Variants in ADAMTSL3 observed in about 807,000 individuals in gnomAD.
ADAMTSL3 encodes the protein ADAMTS-like protein 3.
Under a neutral mutation model 201.7 loss-of-function variants are expected in ADAMTSL3, and 128 were observed. That is an observed-to-expected ratio of 0.63 (90% CI 0.55 to 0.73). The LOEUF (loss-of-function observed/expected upper bound fraction) is 0.73. ADAMTSL3 is among the 30% of genes least tolerant of loss of function. ADAMTSL3 has a pLI of 0.00. For synonymous variants in ADAMTSL3, 738 were observed against 748.4 expected (o/e 0.99, Z 0.23); for missense variants, 1,990 against 2,119.6 (o/e 0.94, Z 1.20).
chr15:83,654,753 A>G lies in ADAMTSL3; in HGVS notation c.-34+477A>G, dbSNP rs1482000291. On this transcript the variant is annotated intron_variant, in intron 1 of 29. Coordinates refer to ENST00000286744, the MANE Select transcript of ADAMTSL3 (RefSeq NM_207517.3). This position sits in a 1 kb window ranked among gnomAD's most constrained non-coding sequence, Gnocchi z 5.3. ...GAGGAGCGACTTCGAGGCAGCGGGT[A>G]GTCGGAGGAGTGTGCACTCGGAAGG... is the stretch of plus-strand genomic sequence containing the variant. 1.1e-4 allele frequency among the ~76,000 whole-genome samples: 17 copies of G among 152,124 alleles called. No homozygotes were observed. Among genetic ancestry groups the G allele is most frequent in the Non-Finnish European group, 1.0e-4 (7 of 68,018 alleles).
At chr15:83,914,899 A>T (rs1044686705) in intron 16 of ADAMTSL3, among the ~76,000 whole-genome samples, 3 of 150,940 alleles carry the variant, frequency 2.0e-5, no homozygotes, top group African/African-American at 7.3e-5. Context: ...GGGTTTTTTT[A>T]TGTCTTGGAA....
chr15:83,955,360 T>C (rs2066839706), intron 19 of ADAMTSL3, among the ~76,000 whole-genome samples: 1 of 152,140 alleles, frequency 6.6e-6, no homozygotes, highest in South Asian at 2.1e-4. Context: ...GCCTAGGGGC[T>C]CTTCAGCCAG....
At chr15:83,900,201 C>G (rs1333468981) in intron 15 of ADAMTSL3, among the ~76,000 whole-genome samples, 1 of 152,194 alleles carries the variant, frequency 6.6e-6, no homozygotes, top group Non-Finnish European at 1.5e-5. Flanking sequence ...CCCCTGCTAA[C>G]TACATGACCT....
chr15:84,035,481 G>T (rs910668934), intron 28 of ADAMTSL3, among the ~76,000 whole-genome samples: 5 of 152,086 alleles, frequency 3.3e-5, no homozygotes, highest in Non-Finnish European at 7.4e-5. Context: ...CATACCTACT[G>T]GGGAAAACAA....
chr15:83,655,932 C>T (rs1226140692), intron 2 of ADAMTSL3, 102 bp downstream of exon 2: 5 of 1,213,890 alleles, frequency 4.1e-6, no homozygotes, highest in Non-Finnish European at 5.9e-6. Context: ...TAGTGTTAAT[C>T]CTACACCAGA....
At chr15:83,785,192 G>C (rs2063241924) in intron 4 of ADAMTSL3, among the ~76,000 whole-genome samples, 1 of 152,158 alleles carries the variant, frequency 6.6e-6, no homozygotes. Flanking sequence ...TGAGGCCCAA[G>C]AGCTTTCATT....
rs1168502648 is a variant in ADAMTSL3, at chr15:83,903,917, CAAAAAAAAAAAAAAA to C, written c.1700+4199_1700+4213del. Among the ~76,000 whole-genome samples the C allele has an allele frequency of 1.3e-3, 26 of 19,270 alleles. 1 individual carries two copies. Among genetic ancestry groups the C allele is most frequent in the Non-Finnish European group, 1.6e-3 (22 of 13,780 alleles). 12.6% of individuals were successfully genotyped at this position (19,270 alleles called of 152,430 possible). A position where few individuals can be genotyped will look rare whatever the true frequency, so the allele number is the denominator to read the frequency against. On this transcript the variant is annotated intron_variant, in intron 15 of 29. Coordinates refer to ENST00000286744, the MANE Select transcript of ADAMTSL3 (RefSeq NM_207517.3). ...TGGGTGACAGTGCCAGACTCCACAT[CAAAAAAAAAAAAAAA>C]AAAAAAAAAAAAGAAAAAAGAAAGA...
At chr15:83,931,146 T>C (rs1480822) in intron 17 of ADAMTSL3, among the ~76,000 whole-genome samples, 117,683 of 152,142 alleles carry the variant, frequency 0.77, 45,711 homozygotes, top group African/African-American at 0.82. Flanking sequence ...AGAAGCATGC[T>C]GGGTTACATA....
chr15:83,926,635 C>T (rs536489290), intron 17 of ADAMTSL3, among the ~76,000 whole-genome samples: 6 of 140,938 alleles, frequency 4.3e-5, no homozygotes, highest in Middle Eastern at 3.9e-3. Flanking sequence ...TTTTTTGAGA[C>T]GGAGTTTCGC....
intron 3 of ADAMTSL3, chr15:83,740,161 C>T: frequency 3.8e-6 from 1 of 266,546 alleles, no homozygotes; most frequent in South Asian, 5.9e-5. Flanking sequence ...TGCAAGCTGG[C>T]TGACCAGTGC....
At chr15:83,693,220 GT>G (rs1396058414) in intron 2 of ADAMTSL3, among the ~76,000 whole-genome samples, 2 of 152,216 alleles carry the variant, frequency 1.3e-5, no homozygotes, top group Non-Finnish European at 2.9e-5. Flanking sequence ...TGACATGGAT[GT>G]TTTCTGCATA....
At chr15:83,823,960 T>TC (rs2063952158) in intron 6 of ADAMTSL3, among the ~76,000 whole-genome samples, 2 of 64,348 alleles carry the variant, frequency 3.1e-5, no homozygotes, top group Admixed American at 4.2e-4. Context: ...TTCTTCTTCT[T>TC]CTTCTTCTTC....
Position 83,982,579 on chromosome 15 carries a change from CA to C in ADAMTSL3, c.2952del (p.Gly985AlafsTer28). On this transcript the variant is annotated frameshift_variant, in exon 21 of 30. Transcript: ENST00000286744. LOFTEE classifies it high-confidence loss of function. Reference protein sequence around the residue: ...APDIGVYRCIAGSAQETVVLK... With the variant: ...APDIGVYRCIXGSAQETVVLK... ...GACATCGGCGTGTACCGGTGCATTGCAGGCTCTGCACAGGAAACAGTTGTGC... is the reference window on the plus strand; with the variant it reads ...GACATCGGCGTGTACCGGTGCATTGCGGCTCTGCACAGGAAACAGTTGTGC... 6.2e-7 allele frequency: 1 copy of C among 1,614,210 alleles called. No homozygotes were observed. Among genetic ancestry groups the C allele is most frequent in the Non-Finnish European group, 8.5e-7 (1 of 1,180,052 alleles).
intron 3 of ADAMTSL3, among the ~76,000 whole-genome samples, chr15:83,767,472 T>C (rs1653475047): frequency 6.6e-6 from 1 of 152,138 alleles, no homozygotes; most frequent in African/African-American, 2.4e-5. Context: ...TAAAGAGATG[T>C]TTGAACAGGG....
intron 15 of ADAMTSL3, among the ~76,000 whole-genome samples, chr15:83,902,571 A>G (rs2065748123): frequency 6.6e-6 from 1 of 152,196 alleles, no homozygotes. Context: ...CACCTGGCCA[A>G]GTCTAATTCT....
At chr15:83,785,091 C>T (rs1303695262) in intron 4 of ADAMTSL3, among the ~76,000 whole-genome samples, 2 of 152,132 alleles carry the variant, frequency 1.3e-5, no homozygotes, top group East Asian at 3.9e-4. Context: ...GGCAGAGATA[C>T]ATTTTGAGCT....
chr15:83,844,491 C>G (rs2064454310), intron 7 of ADAMTSL3, among the ~76,000 whole-genome samples: 1 of 152,128 alleles, frequency 6.6e-6, no homozygotes, highest in Non-Finnish European at 1.5e-5. Flanking sequence ...TCCTGTCTTC[C>G]CACATCATCT....
At chr15:83,854,205 T>G (rs2064683421) in intron 7 of ADAMTSL3, among the ~76,000 whole-genome samples, 1 of 152,096 alleles carries the variant, frequency 6.6e-6, no homozygotes, top group Non-Finnish European at 1.5e-5. Context: ...TGCATTTAGT[T>G]TTTCTATCTC....
At chr15:84,029,124 A>G (rs1235305973) in intron 27 of ADAMTSL3, among the ~76,000 whole-genome samples, 3 of 152,246 alleles carry the variant, frequency 2.0e-5, no homozygotes, top group Non-Finnish European at 4.4e-5. Context: ...AGAGAGAGGG[A>G]TGTTGCTATA....
Sources: gnomAD v4.1 joint callset for allele counts (sites outside exome capture counted in the v4.1 genomes callset) on GRCh38, gnomAD v4.1.1 for gene constraint, Gnocchi (gnomAD v3.1) non-coding constraint, MANE v1.5 for transcripts, NCBI Gene and HGNC (gene_info 2026-07-23, HGNC 2026-07-21) for gene names.